Variants in ZCCHC2 observed in about 807,000 individuals in gnomAD.
ZCCHC2 encodes the protein zinc finger CCHC-type containing 2.
Under a neutral mutation model 103.6 loss-of-function variants are expected in ZCCHC2, and 39 were observed. The ratio of observed to expected loss-of-function variants is 0.38; its 90% CI spans 0.29 to 0.49. The LOEUF (loss-of-function observed/expected upper bound fraction) is 0.49. Ranked by LOEUF, ZCCHC2 falls within the 20% of genes least tolerant of loss-of-function variation. The pLI is 0.96. For synonymous variants in ZCCHC2, 687 were observed against 608.9 expected, an observed-to-expected ratio of 1.13 and a Z score of -1.89; for missense variants, 1,483 against 1,491.0, an observed-to-expected ratio of 0.99 and a Z score of 0.09.
intron 5 of ZCCHC2, among the ~76,000 whole-genome samples, chr18:62,552,706 A>G (rs1250146306): frequency 2.6e-5 from 4 of 151,978 alleles, no homozygotes; most frequent in Non-Finnish European, 4.4e-5. Flanking sequence ...TGGGCAACAT[A>G]GTGAAACCCC....
chr18:62,539,456 A>G (rs1915077376), intron 1 of ZCCHC2: 1 of 421,538 alleles, frequency 2.4e-6, no homozygotes, highest in East Asian at 4.2e-5. Context: ...TTATTAAGCA[A>G]TTTCCTGTGT....
At chr18:62,564,816 A>G (rs1331483096) in intron 10 of ZCCHC2, among the ~76,000 whole-genome samples, 181 bp downstream of exon 10, 2 of 152,174 alleles carry the variant, frequency 1.3e-5, no homozygotes. Context: ...ACTGTCAAAT[A>G]TTGCATTCAG....
At chr18:62,559,113 A>G (rs925915299) in intron 7 of ZCCHC2, among the ~76,000 whole-genome samples, 1 of 152,264 alleles carries the variant, frequency 6.6e-6, no homozygotes, top group Non-Finnish European at 1.5e-5. Flanking sequence ...AAACTTTTCA[A>G]TGTTAATTTG....
At chr18:62,567,218 A>C (rs1432762597) in intron 11 of ZCCHC2, among the ~76,000 whole-genome samples, 1 of 152,254 alleles carries the variant, frequency 6.6e-6, no homozygotes, top group Non-Finnish European at 1.5e-5. Context: ...TTAAGGCACC[A>C]AGGAAGAATT....
intron 1 of ZCCHC2, among the ~76,000 whole-genome samples, chr18:62,532,146 T>C (rs1914708987): frequency 6.6e-6 from 1 of 152,220 alleles, no homozygotes; most frequent in Admixed American, 6.5e-5. Flanking sequence ...CGTGCGCCCT[T>C]ATGGTGTATA....
chr18:62,543,071 C>T (rs746981293), intron 3 of ZCCHC2, among the ~76,000 whole-genome samples: 1 of 152,166 alleles, frequency 6.6e-6, no homozygotes, highest in Non-Finnish European at 1.5e-5. Context: ...ATGTCTTCTT[C>T]TTGCCCGTCA....
At chr18:62,582,949 C>A (rs984807921), downstream of ZCCHC2, among the ~76,000 whole-genome samples, 2 of 151,822 alleles carry the variant, frequency 1.3e-5, no homozygotes, top group Admixed American at 6.6e-5. Context: ...ACAAAAAATA[C>A]AAAAATTAGC....
chr18:62,526,630 G>A (rs1032804083), intron 1 of ZCCHC2, among the ~76,000 whole-genome samples: 8 of 151,932 alleles, frequency 5.3e-5, no homozygotes, highest in African/African-American at 1.7e-4. Flanking sequence ...CCGCCGCCGC[G>A]CACCCGGGGA....
intron 3 of ZCCHC2, 38 bp downstream of exon 3, chr18:62,542,612 G>A (rs1179621064): frequency 4.0e-6 from 6 of 1,510,124 alleles, no homozygotes; most frequent in Non-Finnish European, 5.4e-6. Context: ...CTCACGTGCT[G>A]TGCTCAATGA....
intron 12 of ZCCHC2, among the ~76,000 whole-genome samples, chr18:62,571,319 C>T (rs1445989970): frequency 1.3e-5 from 2 of 152,242 alleles, no homozygotes; most frequent in South Asian, 4.2e-4. Context: ...ATGGTGTTTG[C>T]ACTGATTTCA....
intron 10 of ZCCHC2, 127 bp downstream of exon 10, chr18:62,564,762 T>C: frequency 2.4e-6 from 2 of 826,866 alleles, no homozygotes; most frequent in Non-Finnish European, 3.6e-6. Context: ...GTTTTACTCT[T>C]TTGGTTCAAA....
intron 6 of ZCCHC2, 87 bp downstream of exon 6, chr18:62,556,384 TTTAG>T (rs1271123786): frequency 2.4e-5 from 26 of 1,100,852 alleles, no homozygotes; most frequent in East Asian, 2.6e-5. Flanking sequence ...GGTTTGTCAC[TTTAG>T]TTAAAGTTAA....
At chr18:62,568,429 A>G (rs1467136669) in intron 11 of ZCCHC2, among the ~76,000 whole-genome samples, 2 of 152,220 alleles carry the variant, frequency 1.3e-5, no homozygotes, top group African/African-American at 4.8e-5. Context: ...GTACCACACA[A>G]TTCTGAAGTA....
chr18:62,542,448 G>A (rs373946954), intron 2 of ZCCHC2, 50 bp from the exon 3 acceptor site: 83 of 1,457,696 alleles, frequency 5.7e-5, no homozygotes, highest in Non-Finnish European at 6.7e-5. Flanking sequence ...TAAGTGAAAT[G>A]TGTCTATAGT....
At chr18:62,538,609 G>A (rs1274797060) in intron 1 of ZCCHC2, among the ~76,000 whole-genome samples, 2 of 152,134 alleles carry the variant, frequency 1.3e-5, no homozygotes, top group African/African-American at 4.8e-5. Flanking sequence ...TTATTAAATG[G>A]TTTTAGGTAG....
chr18:62,563,742 A>G (rs1316339874), intron 9 of ZCCHC2, among the ~76,000 whole-genome samples: 2 of 152,246 alleles, frequency 1.3e-5, no homozygotes, highest in African/African-American at 4.8e-5. Flanking sequence ...TGTTATGCCA[A>G]AATTTTTTGG....
intron 1 of ZCCHC2, among the ~76,000 whole-genome samples, chr18:62,538,544 T>C (rs1163122781): frequency 6.6e-6 from 1 of 152,224 alleles, no homozygotes; most frequent in Non-Finnish European, 1.5e-5. Context: ...TGGTAAAGGC[T>C]ATCAGGCCAA....
Position 62,524,191 on chromosome 18 carries a change from A to G in ZCCHC2, c.767A>G (p.Gln256Arg), listed in dbSNP as rs755610896. The G allele has an allele frequency of 1.4e-5, 22 of 1,549,382 alleles. No homozygotes were observed. The highest frequency in any genetic ancestry group is 2.7e-5 in the African/African-American group (2 of 72,852). Residue 256 changes from glutamine (Q) to arginine (R), a missense_variant, in exon 1 of 14, where the codon CAG becomes CGG. Gln to Arg is a conservative substitution (Grantham distance 43). Coordinates refer to ENST00000269499, the MANE Select transcript of ZCCHC2 (RefSeq NM_017742.6). The part of the protein sequence containing the change: ...RVGGGLGSRA[Q>R]EELLLLFTMA... ...GGCGGCGGGCTTGGCTCCAGGGCCC[A>G]GGAGGAACTGCTGCTGCTCTTCACC...
At chr18:62,528,217 C>A (rs1303588600) in intron 1 of ZCCHC2, among the ~76,000 whole-genome samples, 1 of 152,196 alleles carries the variant, frequency 6.6e-6, no homozygotes, top group Non-Finnish European at 1.5e-5. Context: ...TTTGAACTCA[C>A]AAAACATATT....
Sources: gnomAD v4.1 joint callset for allele counts (sites outside exome capture counted in the v4.1 genomes callset) on GRCh38, gnomAD v4.1.1 for gene constraint, MANE v1.5 for transcripts, NCBI Gene and HGNC (gene_info 2026-07-23, HGNC 2026-07-21) for gene names.